Variants in FREM2 observed in about 807,000 individuals in gnomAD.
FREM2 encodes FRAS1 related extracellular matrix 2.
Under a neutral mutation model 219.9 loss-of-function variants are expected in FREM2, and 119 were observed. The observed-to-expected ratio is 0.54, with a 90% confidence interval of 0.47 to 0.63. The LOEUF is 0.63. Among genes scored for constraint, FREM2 ranks in the 30% least tolerant of loss-of-function variants. FREM2 has a pLI of 0.00. For missense variants in FREM2, 4,030 were observed against 3,993.6 expected, an observed-to-expected ratio of 1.01 and a Z score of -0.25; for synonymous variants, 1,562 against 1,522.8, an observed-to-expected ratio of 1.03 and a Z score of -0.60.
At chr13:38,740,855 T>C (rs1872214121) in intron 2 of FREM2, among the ~76,000 whole-genome samples, 4 of 152,210 alleles carry the variant, frequency 2.6e-5, no homozygotes, top group Admixed American at 2.6e-4. Context: ...AAGATAAGAA[T>C]CAGGACTTGC....
rs1566129646 is a variant in FREM2, at chr13:38,754,885, TGATGATG to T, written c.5264-9418_5264-9412del. 7.9e-3 allele frequency among the ~76,000 whole-genome samples: 798 copies of T among 100,442 alleles called. 8 individuals carry two copies. Among genetic ancestry groups the T allele is most frequent in the African/African-American group, 0.023 (666 of 28,432 alleles). 65.9% of individuals were successfully genotyped at this position (100,442 alleles called of 152,430 possible). ...ATGATGATGATGATGATGATGATGA[TGATGATG>T]ATGATGATGATTATTATTATTATTA... On this transcript the variant is annotated intron_variant, in intron 2 of 23. Transcript: ENST00000280481.
Position 38,687,222 on chromosome 13 carries a change from A to T in FREM2, c.-123A>T. On this transcript the variant is annotated 5_prime_UTR_variant, in exon 1 of 24. Transcript: ENST00000280481. ...ATCCTTCTGGCCCAGCCCCGGCTAC[A>T]GGAGGACCCCGCGGGCAACGCGCGG... is the stretch of plus-strand genomic sequence containing the variant. 2 of 1,376,312 alleles carry T rather than the reference A, an allele frequency of 1.5e-6. No homozygotes were observed. Among genetic ancestry groups the T allele is most frequent in the Non-Finnish European group, 2.0e-6 (2 of 994,504 alleles). 85.3% of individuals were successfully genotyped at this position (1,376,312 alleles called of 1,614,324 possible).
At chr13:38,756,295 G>A (rs571041854) in intron 2 of FREM2, among the ~76,000 whole-genome samples, 105 of 152,262 alleles carry the variant, frequency 6.9e-4, no homozygotes, top group South Asian at 2.3e-3. Flanking sequence ...ACAGGGTTAG[G>A]TTTCTATGGG....
intron 2 of FREM2, among the ~76,000 whole-genome samples, chr13:38,753,687 A>G (rs996163856): frequency 6.6e-6 from 1 of 152,234 alleles, no homozygotes; most frequent in Non-Finnish European, 1.5e-5. Context: ...AATGTTGTAA[A>G]TGAGAGTTCA....
At position 38,688,158 on chromosome 13, in the gene FREM2, A is replaced by T; in HGVS notation, c.814A>T (p.Ser272Cys). ...CGTGCGCTATCGCCACACAGCCGCC[A>T]GTCGCTCACCAAACAGGGACTGGAT... ...LGVRYRHTAASRSPNRDWIPM... is the reference protein window; with the variant it reads ...LGVRYRHTAACRSPNRDWIPM... Residue 272 changes from serine to cysteine, a missense_variant, in exon 1 of 24, where the codon AGT becomes TGT. Ser to Cys is a moderately radical substitution (Grantham distance 112). Transcript: ENST00000280481. 6.2e-7 allele frequency: 1 copy of T among 1,613,572 alleles called. No homozygotes were observed. The highest frequency in any genetic ancestry group is 1.7e-5 in the Admixed American group (1 of 60,032).
chr13:38,751,864 CTGTGTGTGTGTG>C (rs59365871), intron 2 of FREM2, among the ~76,000 whole-genome samples: 2 of 130,254 alleles, frequency 1.5e-5, no homozygotes, highest in Admixed American at 7.3e-5. Context: ...TGTACTTACT[CTGTGTGTGTGTG>C]TGTGTGTGTG....
At chr13:38,742,879 T>A (rs763133215) in intron 2 of FREM2, among the ~76,000 whole-genome samples, 2 of 152,222 alleles carry the variant, frequency 1.3e-5, no homozygotes, top group Non-Finnish European at 2.9e-5. Context: ...ATCATCAAAT[T>A]GAGCAATCCC....
Position 38,856,218 on chromosome 13 carries a change from C to G in FREM2, c.7018C>G (p.His2340Asp). ...VREMREAFTV[H>D]LKPDENMIAE... is the part of the protein sequence containing the mutation. ...AGAGATGAGAGAGGCCTTCACTGTT[C>G]ACCTAAAACCTGATGAAAATATGAT... Residue 2340 changes from histidine to aspartate, a missense_variant, in exon 12 of 24, where the codon CAC becomes GAC. By Grantham distance (81) the His-to-Asp change is moderately conservative. This residue lies in a region of FREM2 where 3,102 missense variants were observed against 2,950.7 expected (regional missense o/e 1.05). Coordinates refer to ENST00000280481, the MANE Select transcript of FREM2 (RefSeq NM_207361.6). 1 of 1,612,782 alleles carries G rather than the reference C, an allele frequency of 6.2e-7. No homozygotes were observed. Among genetic ancestry groups the G allele is most frequent in the South Asian group, 1.1e-5 (1 of 91,024 alleles).
intron 6 of FREM2, among the ~76,000 whole-genome samples, chr13:38,798,500 C>T (rs965024978): frequency 6.6e-6 from 1 of 151,800 alleles, no homozygotes; most frequent in Admixed American, 6.6e-5. Context: ...TGGAAGTATT[C>T]CTTCTTTATC....
rs868715177 is a variant in FREM2, at chr13:38,864,275, G to C, written c.7652G>C (p.Gly2551Ala). 5 of 1,610,294 alleles carry C rather than the reference G, an allele frequency of 3.1e-6. No individual in the cohort carries two copies. In the Middle Eastern group the frequency reaches 5.0e-4, roughly 160 times the overall value. ...TAACAATGATTTCGATTTATCATAG[G>C]CATGCTCCCCGTGATCTCCACTAGA... is the stretch of plus-strand genomic sequence containing the variant. ...KLTVTMPHIDGMLPVISTREL... is the reference protein window; with the variant it reads ...KLTVTMPHIDAMLPVISTREL... The change falls in exon 16 of 24, where the codon GGC becomes GCC. Residue 2551 changes from glycine (G) to alanine (A), a missense_variant and splice_region_variant. Physicochemically the swap from Gly to Ala is moderately conservative, Grantham distance 60 (BLOSUM62 0). Transcript: ENST00000280481.
At position 38,876,279 on chromosome 13, in the gene FREM2, A is replaced by C; in HGVS notation, c.8441A>C (p.Lys2814Thr). Residue 2814 changes from lysine (K) to threonine (T), a missense_variant, in exon 20 of 24, where the codon AAG (lysine) becomes ACG (threonine). Lys to Thr is a moderately conservative substitution (Grantham distance 78). Around this residue, in one of 2 missense-constraint regions of FREM2, gnomAD observed 928 missense variants for 1,042.9 expected, o/e 0.89. Transcript: ENST00000280481. Reference sequence around the variant, plus strand: ...GACTACTCAGGGACCTATACTGTGAAGCTGGTGCCATGCACTGCCCCATCA... The same window carrying C: ...GACTACTCAGGGACCTATACTGTGACGCTGGTGCCATGCACTGCCCCATCA... ...VRDYSGTYTV[K>T]LVPCTAPSHQ... 6.2e-7 allele frequency: 1 copy of C among 1,614,126 alleles called. No individual in the cohort carries two copies. Among genetic ancestry groups the C allele is most frequent in the Non-Finnish European group, 8.5e-7 (1 of 1,179,994 alleles).
chr13:38,803,161 GA>G, intron 6 of FREM2, among the ~76,000 whole-genome samples: 1 of 152,150 alleles, frequency 6.6e-6, no homozygotes, highest in Admixed American at 6.5e-5. Flanking sequence ...GGGCAAATCT[GA>G]AATTTTACAT....
chr13:38,830,871 G>A (rs1017250095), intron 6 of FREM2, among the ~76,000 whole-genome samples: 1 of 152,144 alleles, frequency 6.6e-6, no homozygotes, highest in Non-Finnish European at 1.5e-5. Context: ...TGCCCTCCCA[G>A]ACTAGCAGCT....
chr13:38,754,244 C>A lies in FREM2; in HGVS notation c.5264-10060C>A, dbSNP rs141125270. ...AAATCCATCTCAAATATTTATTAAC[C>A]GGCTTTCATACCCTTTGCTTTGTCA... On this transcript the variant is annotated intron_variant, in intron 2 of 23. Transcript: ENST00000280481. 2.1e-3 allele frequency among the ~76,000 whole-genome samples: 326 copies of A among 152,232 alleles called. 2 individuals are homozygous for A. The highest frequency in any genetic ancestry group is 7.5e-3 in the African/African-American group (312 of 41,542).
chr13:38,694,753 A>G (rs1486780019), intron 1 of FREM2, among the ~76,000 whole-genome samples: 1 of 152,338 alleles, frequency 6.6e-6, no homozygotes, highest in East Asian at 1.9e-4. Context: ...ATGTATAATT[A>G]GGTAAATTAT....
chr13:38,707,277 G>A (rs1331391902), intron 2 of FREM2, among the ~76,000 whole-genome samples: 1 of 152,182 alleles, frequency 6.6e-6, no homozygotes. Context: ...ATTACCATTA[G>A]ATATGATTCA....
rs765978929 is a variant in FREM2 at position 38,850,055 on chromosome 13, A to G, written c.6397A>G (p.Lys2133Glu). ...TTTTGCAGTGCCTAAGATGCAATTCAAAGAACGAATATATACTGGCAGCGA... is the reference window on the plus strand; with the variant it reads ...TTTTGCAGTGCCTAAGATGCAATTCGAAGAACGAATATATACTGGCAGCGA... ...SVSDLPKMQFKERIYTGSESD... is the reference protein window; with the variant it reads ...SVSDLPKMQFEERIYTGSESD... The change falls in exon 9 of 24, where the codon AAA becomes GAA. Residue 2133 changes from lysine (K) to glutamate (E), a missense_variant. Coordinates refer to ENST00000280481, the MANE Select transcript of FREM2 (RefSeq NM_207361.6). 32 of 1,613,924 alleles carry G rather than the reference A, an allele frequency of 2.0e-5. No individual in the cohort carries two copies. In the South Asian group the frequency reaches 3.3e-4, roughly 17 times the overall value.
At chr13:38,705,159 A>C (rs1870489052) in intron 2 of FREM2, among the ~76,000 whole-genome samples, 1 of 152,206 alleles carries the variant, frequency 6.6e-6, no homozygotes, top group African/African-American at 2.4e-5. Flanking sequence ...GGAAACAGGA[A>C]GATTGACATG....
chr13:38,696,365 C>A (rs1870106511), intron 1 of FREM2, among the ~76,000 whole-genome samples: 1 of 152,178 alleles, frequency 6.6e-6, no homozygotes, highest in African/African-American at 2.4e-5. Context: ...ATTGGTCCAT[C>A]CTAATGCCTT....
Sources: allele counts gnomAD v4.1 joint callset (sites outside exome capture counted in the v4.1 genomes callset), GRCh38; gene constraint gnomAD v4.1.1; regional missense constraint gnomAD v4.1.1; transcripts MANE v1.5; gene names NCBI Gene and HGNC (gene_info 2026-07-23, HGNC 2026-07-21).